DIPK1A: variants seen among roughly 807,000 people sequenced by gnomAD.
DIPK1A encodes family with sequence similarity 69 member A.
DIPK1A carries 27 observed loss-of-function variants against 40.8 expected under a neutral mutation model. The observed-to-expected ratio is 0.66, with a 90% CI of 0.49 to 0.91. DIPK1A has a LOEUF of 0.91. DIPK1A is among the 40% of genes least tolerant of loss of function. The probability of loss-of-function intolerance (pLI) is 0.00; values close to 1 mark genes in which losing one functional copy is unlikely to be tolerated. For missense variants in DIPK1A, 412 were observed against 505.7 expected (o/e 0.81, Z 1.78); for synonymous variants, 166 against 171.3 (o/e 0.97, Z 0.24).
intron 1 of DIPK1A, among the ~76,000 whole-genome samples, chr1:92,909,410 A>C (rs952930846): frequency 6.6e-6 from 1 of 152,230 alleles, no homozygotes; most frequent in Non-Finnish European, 1.5e-5. Flanking sequence ...AAACGGGTCC[A>C]GGCTGGTTCT....
chr1:92,859,721 G>A (rs1018922007), intron 2 of DIPK1A, among the ~76,000 whole-genome samples: 2 of 152,066 alleles, frequency 1.3e-5, no homozygotes, highest in Non-Finnish European at 2.9e-5. Context: ...TCATTTTCTC[G>A]AGACAGGGTC....
At chr1:92,897,772 A>G (rs929490685) in intron 1 of DIPK1A, among the ~76,000 whole-genome samples, 1 of 151,294 alleles carries the variant, frequency 6.6e-6, no homozygotes, top group African/African-American at 2.4e-5. Context: ...TTAAAGAGAC[A>G]AGGTGTATTA....
chr1:92,909,169 A>T (rs896269363), intron 1 of DIPK1A, among the ~76,000 whole-genome samples: 1 of 152,184 alleles, frequency 6.6e-6, no homozygotes, highest in Admixed American at 6.5e-5. Flanking sequence ...AAATGTTATG[A>T]CTACACCTAA....
intron 2 of DIPK1A, among the ~76,000 whole-genome samples, chr1:92,860,582 G>A (rs1378009583): frequency 6.7e-6 from 1 of 148,890 alleles, no homozygotes; most frequent in Non-Finnish European, 1.5e-5. Flanking sequence ...CTGAGGTCAG[G>A]AGTTCGAGAC....
At chr1:92,918,739 C>T (rs1039467750) in intron 1 of DIPK1A, among the ~76,000 whole-genome samples, 27 of 152,190 alleles carry the variant, frequency 1.8e-4, no homozygotes, top group Middle Eastern at 3.4e-3. Flanking sequence ...ACATCAGGGA[C>T]GGGTTTCGTG....
intron 3 of DIPK1A, 35 bp from the exon 4 acceptor site, chr1:92,847,394 C>G (rs2100719493): frequency 1.4e-6 from 2 of 1,429,626 alleles, no homozygotes; most frequent in African/African-American, 1.4e-5. Context: ...ATGTATTATA[C>G]TGAGTAGAAA....
At chr1:92,866,382 A>G (rs992956457) in intron 2 of DIPK1A, among the ~76,000 whole-genome samples, 15 of 152,198 alleles carry the variant, frequency 9.9e-5, no homozygotes, top group African/African-American at 3.6e-4. Flanking sequence ...GATTACAGGC[A>G]TGAGCCACCG....
chr1:92,894,831 G>A (rs1649086168), intron 1 of DIPK1A, among the ~76,000 whole-genome samples: 1 of 152,070 alleles, frequency 6.6e-6, no homozygotes, highest in South Asian at 2.1e-4. Context: ...TATCACCACT[G>A]ATCCCACAGA....
At chr1:92,852,110 A>G (rs1261289240) in intron 2 of DIPK1A, among the ~76,000 whole-genome samples, 1 of 152,194 alleles carries the variant, frequency 6.6e-6, no homozygotes, top group Non-Finnish European at 1.5e-5. Context: ...TCACTCAGTA[A>G]TGAGTAATAA....
At chr1:92,860,646 A>AAAAAAAAAAACAGGTG (rs148916481) in intron 2 of DIPK1A, among the ~76,000 whole-genome samples, 1 of 105,212 alleles carries the variant, frequency 9.5e-6, no homozygotes, top group Non-Finnish European at 1.8e-5. Flanking sequence ...AAAAAAAAAA[A>AAAAAAAAAAACAGGTG]TGGTGGTGTG....
At chr1:92,864,635 T>C (rs1647447768) in intron 2 of DIPK1A, among the ~76,000 whole-genome samples, 2 of 152,226 alleles carry the variant, frequency 1.3e-5, no homozygotes, top group Admixed American at 6.5e-5. Context: ...CTACAAATCT[T>C]ACTTACAAAG....
At chr1:92,904,919 C>T (rs1241279185) in intron 1 of DIPK1A, among the ~76,000 whole-genome samples, 2 of 152,100 alleles carry the variant, frequency 1.3e-5, no homozygotes, top group African/African-American at 2.4e-5. Flanking sequence ...TCTTTCTATG[C>T]CTGGTTTATT....
chr1:92,946,407 C>A (rs1340243417), intron 1 of DIPK1A, among the ~76,000 whole-genome samples: 1 of 151,980 alleles, frequency 6.6e-6, no homozygotes, highest in African/African-American at 2.4e-5. Flanking sequence ...GAGGAAAAAA[C>A]AGGTAGAAAA....
At chr1:92,889,395 T>C (rs1326585883) in intron 1 of DIPK1A, among the ~76,000 whole-genome samples, 1 of 152,232 alleles carries the variant, frequency 6.6e-6, no homozygotes, top group Non-Finnish European at 1.5e-5. Flanking sequence ...TTTGTTATTA[T>C]AGCTTTGTAG....
At chr1:92,921,444 A>G (rs1477207832) in intron 1 of DIPK1A, among the ~76,000 whole-genome samples, 3 of 152,204 alleles carry the variant, frequency 2.0e-5, no homozygotes, top group African/African-American at 7.2e-5. Context: ...AAAAATTGAC[A>G]TAAGTATAAG....
At chr1:92,932,612 G>A (rs1478145940) in intron 1 of DIPK1A, 1 of 152,108 alleles carries the variant, frequency 6.6e-6, no homozygotes, top group Non-Finnish European at 1.5e-5. Flanking sequence ...TATTCCTTTT[G>A]TAGTCATTTT....
At position 92,961,361 on chromosome 1, in the gene DIPK1A, C is replaced by A; in HGVS notation, c.54+15G>T. 1.3e-6 allele frequency: 2 copies of A among 1,499,764 alleles called. No homozygotes were observed. Among genetic ancestry groups the A allele is most frequent in the South Asian group, 1.2e-5 (1 of 81,976 alleles). The allele number at this position is 1,499,764 out of a possible 1,614,324, so 92.9% of individuals were successfully genotyped here. Reference sequence around the variant, plus strand: ...GGTGCTCCCGCAGCTGGTGGCTGGGCGGCCGCCGGCCTACCTGGAGGTAAT... The same window carrying A: ...GGTGCTCCCGCAGCTGGTGGCTGGGAGGCCGCCGGCCTACCTGGAGGTAAT... On this transcript the variant is annotated intron_variant, in intron 1 of 4. Coordinates refer to ENST00000370310, the MANE Select transcript of DIPK1A (RefSeq NM_001006605.5).
intron 1 of DIPK1A, among the ~76,000 whole-genome samples, chr1:92,890,162 T>A (rs1648796766): frequency 6.6e-6 from 1 of 152,226 alleles, no homozygotes; most frequent in African/African-American, 2.4e-5. Context: ...TGTATATTGA[T>A]TTTGTATTCT....
At chr1:92,890,192 T>C (rs1004679838) in intron 1 of DIPK1A, among the ~76,000 whole-genome samples, 4 of 152,194 alleles carry the variant, frequency 2.6e-5, no homozygotes, top group Non-Finnish European at 5.9e-5. Flanking sequence ...CTGAATTCAT[T>C]GATTAGTTCT....
Sources: gnomAD v4.1 joint callset for allele counts (sites outside exome capture counted in the v4.1 genomes callset) on GRCh38, gnomAD v4.1.1 for gene constraint, MANE v1.5 for transcripts, NCBI Gene and HGNC (gene_info 2026-07-23, HGNC 2026-07-21) for gene names.